The following FHIT variants were observed in gnomAD, a reference collection of about 807,000 sequenced individuals.
The protein encoded by FHIT is fragile histidine triad diadenosine triphosphatase, also known as bis(5'-adenosyl)-triphosphatase.
FHIT carries 19 observed loss-of-function variants against 17.9 expected under a neutral mutation model. The ratio of observed to expected loss-of-function variants is 1.06; its 90% CI spans 0.74 to 1.56. The LOEUF (loss-of-function observed/expected upper bound fraction) is 1.56. Among genes scored for constraint, FHIT ranks in the 40% most tolerant of loss-of-function variants. The probability of loss-of-function intolerance (pLI) is 0.00; values close to 1 mark genes in which losing one functional copy is unlikely to be tolerated. For synonymous variants in FHIT, 81 were observed against 69.7 expected, an observed-to-expected ratio of 1.16 and a Z score of -0.81; for missense variants, 248 against 189.2, an observed-to-expected ratio of 1.31 and a Z score of -1.82.
rs374579493 is a variant in FHIT, at chr3:60,275,773, C to T, written c.103+261087G>A. Among the ~76,000 whole-genome samples the T allele has an allele frequency of 1.1e-3, 160 of 152,260 alleles. 1 individual carries two copies. Among genetic ancestry groups the T allele is most frequent in the African/African-American group, 3.7e-3 (153 of 41,568 alleles). ...TATAAAGGAGAGTCAGTTACTAAAA[C>T]TAAACTGATATTCTATCTTCTCATG... On this transcript the variant is annotated intron_variant, in intron 5 of 9. Transcript: ENST00000492590.
At chr3:60,518,142 T>C (rs939820057) in intron 5 of FHIT, among the ~76,000 whole-genome samples, 1 of 152,144 alleles carries the variant, frequency 6.6e-6, no homozygotes, top group African/African-American at 2.4e-5. Flanking sequence ...AACTCATAAA[T>C]GACCAAGTTG....
intron 5 of FHIT, among the ~76,000 whole-genome samples, chr3:60,128,034 C>T (rs189999003): frequency 6.6e-6 from 1 of 152,238 alleles, no homozygotes; most frequent in Admixed American, 6.5e-5. Flanking sequence ...CATGTATATG[C>T]ATGGATATGA....
chr3:60,159,317 T>C (rs1001021988), intron 5 of FHIT, among the ~76,000 whole-genome samples: 2 of 152,036 alleles, frequency 1.3e-5, no homozygotes, highest in Admixed American at 1.3e-4. Flanking sequence ...GACAGGGTTT[T>C]GCCATGTTAC....
chr3:60,939,386 T>C (rs1708319622), intron 3 of FHIT, among the ~76,000 whole-genome samples: 1 of 152,162 alleles, frequency 6.6e-6, no homozygotes, highest in Non-Finnish European at 1.5e-5. Context: ...GTGACCATAC[T>C]ACCAAAAAAC....
At position 60,361,876 on chromosome 3, in the gene FHIT, T is replaced by C. The variant is rs369098529; in HGVS notation, c.103+174984A>G. Among the ~76,000 whole-genome samples, 40 of 152,262 alleles carry C rather than the reference T, an allele frequency of 2.6e-4. No homozygotes were observed. The South Asian group carries it at 8.1e-3, about 31-fold the overall frequency. On this transcript the variant is annotated intron_variant, in intron 5 of 9. Coordinates refer to ENST00000492590, the MANE Select transcript of FHIT (RefSeq NM_002012.4). ...TATCTCATATCTCACGGGAATCCAT[T>C]CATGAGAAAGTCAAATCCAGAAGTC...
chr3:60,564,825 A>G (rs2037075968), intron 4 of FHIT, among the ~76,000 whole-genome samples: 1 of 152,210 alleles, frequency 6.6e-6, no homozygotes, highest in African/African-American at 2.4e-5. Context: ...ATGACAACAA[A>G]GAATTTGGAC....
chr3:59,765,117 G>C (rs1575457855), intron 8 of FHIT, among the ~76,000 whole-genome samples: 1 of 152,126 alleles, frequency 6.6e-6, no homozygotes, highest in Non-Finnish European at 1.5e-5. Context: ...AAATATTATA[G>C]AGAGTTATAA....
At chr3:60,341,392 T>C (rs965354597) in intron 5 of FHIT, among the ~76,000 whole-genome samples, 26 of 152,220 alleles carry the variant, frequency 1.7e-4, no homozygotes, top group Non-Finnish European at 5.9e-5. Flanking sequence ...GCACTGCATT[T>C]AAAACCCATA....
In FHIT at chr3:59,776,916, C is replaced by T. The variant is rs145446284; in HGVS notation, c.349-24595G>A. 5.0e-3 allele frequency among the ~76,000 whole-genome samples: 763 copies of T among 152,208 alleles called. 5 individuals are homozygous for T. The highest frequency in any genetic ancestry group is 0.017 in the African/African-American group (700 of 41,524). On this transcript the variant is annotated intron_variant, in intron 8 of 9. Coordinates refer to ENST00000492590, the MANE Select transcript of FHIT (RefSeq NM_002012.4). The stretch of plus-strand genomic sequence containing the variant: ...CTCAGGTTTCTTGACTTCAGAACTC[C>T]GATTCTTAACCTATAACTCCTGTTC...
chr3:60,446,564 G>A (rs1323913570), intron 5 of FHIT, among the ~76,000 whole-genome samples: 1 of 152,012 alleles, frequency 6.6e-6, no homozygotes, highest in Non-Finnish European at 1.5e-5. Flanking sequence ...AGCCCTAGGA[G>A]ACTATCAAAA....
At chr3:60,245,463 G>T (rs1378465799) in intron 5 of FHIT, among the ~76,000 whole-genome samples, 1 of 151,922 alleles carries the variant, frequency 6.6e-6, no homozygotes, top group Non-Finnish European at 1.5e-5. Flanking sequence ...TTCTATCATG[G>T]AGAAATACAA....
chr3:61,077,226 A>C (rs1238961605), intron 2 of FHIT, among the ~76,000 whole-genome samples: 5 of 152,146 alleles, frequency 3.3e-5, no homozygotes, highest in Non-Finnish European at 7.4e-5. Context: ...CCCCAAGTGC[A>C]GTGTCATTGA....
intron 4 of FHIT, among the ~76,000 whole-genome samples, chr3:60,710,779 C>G (rs1347594607): frequency 1.3e-5 from 2 of 152,224 alleles, no homozygotes; most frequent in Admixed American, 6.5e-5. Flanking sequence ...GAAGCTCCAA[C>G]TGGGTGGAGC....
intron 7 of FHIT, among the ~76,000 whole-genome samples, chr3:59,931,605 C>T (rs1705973947): frequency 6.6e-6 from 1 of 152,048 alleles, no homozygotes; most frequent in South Asian, 2.1e-4. Context: ...AAACATAGTG[C>T]TTTTCATGTG....
chr3:60,612,366 T>C (rs1405138932), intron 4 of FHIT, among the ~76,000 whole-genome samples: 1 of 152,176 alleles, frequency 6.6e-6, no homozygotes, highest in Non-Finnish European at 1.5e-5. Context: ...TTATAGAAGC[T>C]AAAGGAATCT....
intron 5 of FHIT, among the ~76,000 whole-genome samples, chr3:60,130,766 T>C (rs62240247): frequency 6.2e-5 from 3 of 48,706 alleles, no homozygotes; most frequent in South Asian, 1.2e-3. Flanking sequence ...GTGTGTGTGT[T>C]TGTGTGTGTG....
At chr3:60,120,266 G>A (rs11715819) in intron 5 of FHIT, among the ~76,000 whole-genome samples, 132 of 152,258 alleles carry the variant, frequency 8.7e-4, no homozygotes, top group African/African-American at 2.9e-3. Context: ...AATCATTTCA[G>A]TTTCCTCCAC....
intron 2 of FHIT, among the ~76,000 whole-genome samples, chr3:61,099,127 A>G (rs965897324): frequency 1.3e-5 from 2 of 152,200 alleles, no homozygotes; most frequent in Non-Finnish European, 2.9e-5. Context: ...TTTTTAACAT[A>G]AATGGGTATT....
chr3:60,014,125 A>G lies in FHIT; in HGVS notation c.131T>C (p.Val44Ala). 1 of 1,614,086 alleles carries G rather than the reference A, an allele frequency of 6.2e-7. No individual in the cohort carries two copies. The highest frequency in any genetic ancestry group is 8.5e-7 in the Non-Finnish European group (1 of 1,179,972). ...AGGACGCAGGTCATGGAAGCGCTCC[A>G]CTGGCCGCAGCGGGCACACAAGGAC... ...GHVLVCPLRP[V>A]ERFHDLRPDE... The change falls in exon 6 of 10, where the codon GTG (valine) becomes GCG (alanine). Residue 44 changes from valine (V) to alanine (A), a missense_variant. Transcript: ENST00000492590.
Sources: allele counts gnomAD v4.1 joint callset (sites outside exome capture counted in the v4.1 genomes callset), GRCh38; gene constraint gnomAD v4.1.1; transcripts MANE v1.5; gene names NCBI Gene and HGNC (gene_info 2026-07-23, HGNC 2026-07-21).